Variants in PARP12 observed in about 807,000 individuals in gnomAD.
PARP12 encodes protein mono-ADP-ribosyltransferase PARP12.
A neutral mutation model predicts 72.4 loss-of-function variants in PARP12; 59 were observed. The ratio of observed to expected loss-of-function variants is 0.81; its 90% CI spans 0.66 to 1.01. The LOEUF (loss-of-function observed/expected upper bound fraction) is 1.01, where lower values mean the gene tolerates loss of function less well. Ranked by LOEUF, PARP12 falls within the 50% of genes least tolerant of loss-of-function variation. The pLI is 0.00. For synonymous variants in PARP12, 403 were observed against 371.4 expected (o/e 1.09, Z -0.98); for missense variants, 851 against 914.0 (o/e 0.93, Z 0.89).
intron 9 of PARP12, among the ~76,000 whole-genome samples, chr7:140,028,120 G>A (rs1251202073): frequency 6.6e-6 from 1 of 152,154 alleles, no homozygotes; most frequent in Non-Finnish European, 1.5e-5. Flanking sequence ...GTTAGTCTGC[G>A]TACTCTCCTG....
intron 4 of PARP12, among the ~76,000 whole-genome samples, chr7:140,049,588 C>A (rs532846407): frequency 6.6e-6 from 1 of 152,298 alleles, no homozygotes; most frequent in South Asian, 2.1e-4. Flanking sequence ...GATCTCCCTG[C>A]AAACAGGCAC....
At chr7:140,052,352 T>C (rs1471185608) in intron 4 of PARP12, among the ~76,000 whole-genome samples, 1 of 152,250 alleles carries the variant, frequency 6.6e-6, no homozygotes, top group Non-Finnish European at 1.5e-5. Context: ...TAATTTTTTT[T>C]CTCACAAATT....
At position 140,041,784 on chromosome 7, in the gene PARP12, C is replaced by G. The variant is rs368439297; in HGVS notation, c.1042G>C (p.Ala348Pro). 6.2e-7 allele frequency: 1 copy of G among 1,614,026 alleles called. No homozygotes were observed. Among genetic ancestry groups the G allele is most frequent in the South Asian group, 1.1e-5 (1 of 91,068 alleles). The change falls in exon 6 of 12, where the codon GCC becomes CCC. Residue 348 changes from alanine (A) to proline (P), a missense_variant. Coordinates refer to ENST00000263549, the MANE Select transcript of PARP12 (RefSeq NM_022750.4). ...TFHSHCLNFN[A>P]MTYGATQARR... Reference sequence around the variant, plus strand: ...GCCTGGGTAGCACCGTAAGTCATGGCGTTAAAGTTCAGACAATGAGAGTGA... The same window carrying G: ...GCCTGGGTAGCACCGTAAGTCATGGGGTTAAAGTTCAGACAATGAGAGTGA...
At chr7:140,046,766 GAAGCCCAGGCACCTCCAGACTAGGCTGC>G in intron 5 of PARP12, 90 bp downstream of exon 5, 1 of 1,074,430 alleles carries the variant, frequency 9.3e-7, no homozygotes, top group Non-Finnish European at 1.3e-6. Context: ...GTCACACACA[GAAGCCCAGGCACCTCCAGACTAGGCTGC>G]TCACAGTGTG....
At chr7:140,046,312 G>A (rs1240788681) in intron 5 of PARP12, among the ~76,000 whole-genome samples, 1 of 152,090 alleles carries the variant, frequency 6.6e-6, no homozygotes, top group African/African-American at 2.4e-5. Flanking sequence ...ATTTCAGCAA[G>A]TTCAATGAAA....
chr7:140,034,305 C>T lies in PARP12; in HGVS notation c.1351G>A (p.Gly451Ser). The change falls in exon 8 of 12, where the codon GGC becomes AGC. Residue 451 changes from glycine to serine, a missense_variant. By Grantham distance (56) the Gly-to-Ser change is moderately conservative. Transcript: ENST00000263549. ...CTGCGGCAAACCTTTTTAGTTGTGC[C>T]ATAGACCAGGTTTTTCTGAACGAAG... ...KAFVQKNLVY[G>S]TTKKVCRRPK... is the part of the protein sequence containing the mutation. 9 of 1,612,060 alleles carry T rather than the reference C, an allele frequency of 5.6e-6. No individual in the cohort carries two copies. Among genetic ancestry groups the T allele is most frequent in the Non-Finnish European group, 7.6e-6 (9 of 1,179,008 alleles).
At chr7:140,038,231 G>A (rs1816302465) in intron 6 of PARP12, 2 of 985,450 alleles carry the variant, frequency 2.0e-6, no homozygotes, top group African/African-American at 1.7e-5. Flanking sequence ...AAGCCAGGCT[G>A]GTCTTACCCG....
At chr7:140,027,167 G>C (rs1815769052) in intron 10 of PARP12, 109 bp downstream of exon 10, 1 of 1,431,134 alleles carries the variant, frequency 7.0e-7, no homozygotes, top group South Asian at 1.3e-5. Flanking sequence ...GCACATGGCA[G>C]CCCTAACTGC....
intron 8 of PARP12, chr7:140,028,976 GCACA>G (rs1417751454): frequency 4.4e-6 from 1 of 228,888 alleles, no homozygotes; most frequent in African/African-American, 2.3e-5. Flanking sequence ...GGTTAAAGGA[GCACA>G]CACACAGCCA....
At chr7:140,038,148 G>A (rs572375267) in intron 6 of PARP12, 101 of 985,290 alleles carry the variant, frequency 1.0e-4, no homozygotes, top group Non-Finnish European at 1.2e-4. Context: ...CTAGGACAGA[G>A]GACACGGCAG....
chr7:140,041,523 G>A (rs1226719146), intron 6 of PARP12, 121 bp downstream of exon 6: 7 of 977,492 alleles, frequency 7.2e-6, no homozygotes, highest in African/African-American at 3.3e-5. Context: ...GAGCCACACT[G>A]GCACCTGGGG....
Position 140,033,841 on chromosome 7 carries a change from C to G in PARP12, c.1421+394G>C, listed in dbSNP as rs1016169791. 6.1e-6 allele frequency: 6 copies of G among 988,036 alleles called. No individual in the cohort carries two copies. The South Asian group carries it at 2.8e-4, about 46-fold the overall frequency. 61.2% of individuals were successfully genotyped at this position (988,036 alleles called of 1,614,324 possible). Reference sequence around the variant, plus strand: ...TTTGGTATTCCGTGATATTCAAATACTAAAATACATGAGTTTTTATTGGTG... The same window carrying G: ...TTTGGTATTCCGTGATATTCAAATAGTAAAATACATGAGTTTTTATTGGTG... On this transcript the variant is annotated intron_variant, in intron 8 of 11. Coordinates refer to ENST00000263549, the MANE Select transcript of PARP12 (RefSeq NM_022750.4).
intron 1 of PARP12, 84 bp from the exon 2 acceptor site, chr7:140,058,118 A>C: frequency 1.4e-6 from 2 of 1,448,724 alleles, no homozygotes; most frequent in Non-Finnish European, 1.9e-6. Flanking sequence ...CCACGACCTC[A>C]GGATATGGCT....
intron 6 of PARP12, among the ~76,000 whole-genome samples, chr7:140,040,147 C>T (rs926508216): frequency 6.6e-6 from 1 of 152,186 alleles, no homozygotes; most frequent in Non-Finnish European, 1.5e-5. Context: ...AAGTGTGTTG[C>T]GCCTGCCATC....
chr7:140,061,737 C>A (rs2044554308), intron 1 of PARP12, among the ~76,000 whole-genome samples: 1 of 152,170 alleles, frequency 6.6e-6, no homozygotes, highest in African/African-American at 2.4e-5. Context: ...AGAACATGGA[C>A]GCTAAGTGCT....
At chr7:140,034,652 T>C (rs1186924445) in intron 7 of PARP12, 1 of 208,206 alleles carries the variant, frequency 4.8e-6, no homozygotes, top group Non-Finnish European at 9.9e-6. Flanking sequence ...AGCTTGGATA[T>C]AAAAAAGCCT....
At chr7:140,055,134 T>C (rs1817128076) in intron 3 of PARP12, among the ~76,000 whole-genome samples, 1 of 152,224 alleles carries the variant, frequency 6.6e-6, no homozygotes, top group South Asian at 2.1e-4. Flanking sequence ...GACACTTTTG[T>C]AATAAGGGGA....
chr7:140,042,204 T>TAAAGTG (rs1816505460), intron 5 of PARP12, among the ~76,000 whole-genome samples: 1 of 152,250 alleles, frequency 6.6e-6, no homozygotes, highest in Non-Finnish European at 1.5e-5. Flanking sequence ...AGCCAGACCC[T>TAAAGTG]GCATTAAGCA....
At chr7:140,047,102 T>C (rs1816763844) in intron 4 of PARP12, 95 bp from the exon 5 acceptor site, 2 of 1,379,236 alleles carry the variant, frequency 1.5e-6, no homozygotes, top group Non-Finnish European at 1.9e-6. Context: ...CCCACTGACC[T>C]GGGAACATTC....
Sources: allele counts gnomAD v4.1 joint callset (sites outside exome capture counted in the v4.1 genomes callset), GRCh38; gene constraint gnomAD v4.1.1; transcripts MANE v1.5; gene names NCBI Gene and HGNC (gene_info 2026-07-23, HGNC 2026-07-21).